The following FBN2 variants were observed in gnomAD, a reference collection of about 807,000 sequenced individuals.
The protein encoded by FBN2 is fibrillin 2.
Under a neutral mutation model 355.6 loss-of-function variants are expected in FBN2, and 105 were observed. The ratio of observed to expected loss-of-function variants is 0.30; its 90% CI spans 0.25 to 0.35. The LOEUF is 0.35. FBN2 is among the 10% of genes least tolerant of loss of function. The pLI is 1.00. For missense variants in FBN2, 3,280 were observed against 3,758.7 expected, an observed-to-expected ratio of 0.87 and a Z score of 3.33; for synonymous variants, 1,350 against 1,301.2, an observed-to-expected ratio of 1.04 and a Z score of -0.81.
At chr5:128,489,663 G>A (rs1252205363) in intron 5 of FBN2, among the ~76,000 whole-genome samples, 1 of 152,126 alleles carries the variant, frequency 6.6e-6, no homozygotes, top group African/African-American at 2.4e-5. Context: ...ATCAGGCCCT[G>A]TTCTAACCAC....
At chr5:128,356,645 A>G (rs1751511868) in intron 20 of FBN2, among the ~76,000 whole-genome samples, 1 of 152,222 alleles carries the variant, frequency 6.6e-6, no homozygotes, top group African/African-American at 2.4e-5. Context: ...CCTTGCAGTA[A>G]CAGATCAATC....
At chr5:128,279,351 A>G (rs1401103126) in intron 56 of FBN2, among the ~76,000 whole-genome samples, 2 of 152,146 alleles carry the variant, frequency 1.3e-5, no homozygotes, top group Non-Finnish European at 2.9e-5. Flanking sequence ...AAAGCCAATT[A>G]AATCTTTAAT....
chr5:128,322,099 T>C (rs903062707), intron 34 of FBN2, among the ~76,000 whole-genome samples: 16 of 152,310 alleles, frequency 1.1e-4, no homozygotes, highest in African/African-American at 2.9e-4. Flanking sequence ...CTTTTGAAAA[T>C]TGTCTGTTCA....
At chr5:128,278,312 C>G (rs1765447025) in intron 57 of FBN2, among the ~76,000 whole-genome samples, 1 of 152,172 alleles carries the variant, frequency 6.6e-6, no homozygotes, top group African/African-American at 2.4e-5. Context: ...AAGTCCATCC[C>G]TTAAAAAGTG....
chr5:128,410,620 C>T (rs1753037511), intron 7 of FBN2, among the ~76,000 whole-genome samples: 1 of 152,050 alleles, frequency 6.6e-6, no homozygotes, highest in Non-Finnish European at 1.5e-5. Flanking sequence ...AAACAACTTC[C>T]CTATGCCCTA....
intron 19 of FBN2, among the ~76,000 whole-genome samples, chr5:128,359,918 T>C (rs1561788552): frequency 1.3e-5 from 2 of 152,088 alleles, no homozygotes; most frequent in African/African-American, 2.4e-5. Context: ...TCAGTGTACA[T>C]AGCAAATAGA....
chr5:128,365,703 A>T (rs1751748797), intron 17 of FBN2, among the ~76,000 whole-genome samples: 1 of 150,186 alleles, frequency 6.7e-6, no homozygotes, highest in South Asian at 2.1e-4. Flanking sequence ...ATATATACAT[A>T]TTCATATATA....
At chr5:128,386,359 C>A (rs1485364736) in intron 11 of FBN2, among the ~76,000 whole-genome samples, 2 of 152,208 alleles carry the variant, frequency 1.3e-5, no homozygotes, top group African/African-American at 4.8e-5. Flanking sequence ...TCTAGGTTCT[C>A]TAACCTGTTC....
chr5:128,279,246 G>A (rs565187979), intron 56 of FBN2, among the ~76,000 whole-genome samples: 23 of 152,040 alleles, frequency 1.5e-4, no homozygotes, highest in Admixed American at 1.4e-3. Context: ...TATTCAATCT[G>A]ATATCTCATA....
chr5:128,289,281 C>G, intron 51 of FBN2, 29 bp from the exon 52 acceptor site: 1 of 1,612,964 alleles, frequency 6.2e-7, no homozygotes, highest in Non-Finnish European at 8.5e-7. Flanking sequence ...TGTGAATTTC[C>G]TCATATAAAA....
intron 34 of FBN2, among the ~76,000 whole-genome samples, chr5:128,327,373 TTG>T (rs1050541106): frequency 2.6e-5 from 4 of 152,128 alleles, no homozygotes; most frequent in African/African-American, 9.7e-5. Flanking sequence ...TGGAGCAGAG[TTG>T]GGCTCCACTC....
chr5:128,298,429 T>A (rs1749592490), intron 48 of FBN2, among the ~76,000 whole-genome samples: 1 of 152,306 alleles, frequency 6.6e-6, no homozygotes, highest in South Asian at 2.1e-4. Context: ...TCCTGCAGAG[T>A]GTTTTCCAAC....
At chr5:128,488,323 A>G (rs903807377) in intron 5 of FBN2, among the ~76,000 whole-genome samples, 7 of 152,130 alleles carry the variant, frequency 4.6e-5, no homozygotes, top group African/African-American at 1.7e-4. Context: ...CCCTTTTGCC[A>G]GTGACTATAT....
chr5:128,310,674 T>C (rs1010837257), intron 39 of FBN2, among the ~76,000 whole-genome samples: 1 of 152,128 alleles, frequency 6.6e-6, no homozygotes, highest in Admixed American at 6.6e-5. Context: ...ATAATGGAAA[T>C]AATTACGCTA....
At chr5:128,386,448 G>C (rs953087742) in intron 11 of FBN2, among the ~76,000 whole-genome samples, 1 of 152,072 alleles carries the variant, frequency 6.6e-6, no homozygotes, top group African/African-American at 2.4e-5. Flanking sequence ...TTTAAAGTCA[G>C]GTAGTGTGAT....
chr5:128,415,498 C>T (rs932238031), intron 7 of FBN2, among the ~76,000 whole-genome samples: 6 of 152,068 alleles, frequency 3.9e-5, no homozygotes, highest in Admixed American at 3.3e-4. Context: ...ACATAAATAC[C>T]CTCCAGTTCC....
At chr5:128,505,265 T>A (rs1459966187) in intron 5 of FBN2, among the ~76,000 whole-genome samples, 1 of 152,156 alleles carries the variant, frequency 6.6e-6, no homozygotes, top group African/African-American at 2.4e-5. Context: ...CAGACAATAA[T>A]TAGTAACATT....
Position 128,437,775 on chromosome 5 carries a change from TAGATA to T in FBN2, c.952+8701_952+8705del, listed in dbSNP as rs1416602974. Among the ~76,000 whole-genome samples, 21 of 11,702 alleles carry T rather than the reference TAGATA, an allele frequency of 1.8e-3. No homozygotes were observed. The South Asian group carries it at 0.025, about 14-fold the overall frequency. The allele number at this position is 11,702 out of a possible 152,430, so 7.7% of individuals were successfully genotyped here. On this transcript the variant is annotated intron_variant, in intron 7 of 64. Transcript: ENST00000262464. ...TAGATAGATAAATAGTATGTATGTA[TAGATA>T]GATAGATAGATAGATAGATAGATAG...
At position 128,374,623 on chromosome 5, in the gene FBN2, C is replaced by T. The variant is rs2126954577; in HGVS notation, c.2095+5G>A. The T allele has an allele frequency of 6.2e-7, 1 of 1,613,892 alleles. No homozygotes were observed. Among genetic ancestry groups the T allele is most frequent in the Non-Finnish European group, 8.5e-7 (1 of 1,179,850 alleles). On this transcript the variant is annotated splice_donor_5th_base_variant and intron_variant, in intron 15 of 64. Transcript: ENST00000262464. ...AGTGGGGCCATTATAAAATGTTTCA[C>T]TTACCAACACACACACGTCCATCCA...
Sources: gnomAD v4.1 joint callset for allele counts (sites outside exome capture counted in the v4.1 genomes callset) on GRCh38, gnomAD v4.1.1 for gene constraint, MANE v1.5 for transcripts, NCBI Gene and HGNC (gene_info 2026-07-23, HGNC 2026-07-21) for gene names.